The following TMEFF1 variants were observed in gnomAD, a reference collection of about 807,000 sequenced individuals.
The protein encoded by TMEFF1 is transmembrane protein with EGF like and two follistatin like domains 1, also known as tomoregulin-1.
A neutral mutation model predicts 47.5 loss-of-function variants in TMEFF1; 20 were observed. The observed-to-expected ratio is 0.42, with a 90% CI of 0.30 to 0.61. The LOEUF is 0.61. Ranked by LOEUF, TMEFF1 falls within the 20% of genes least tolerant of loss-of-function variation. TMEFF1 has a pLI of 0.19. For missense variants in TMEFF1, 411 were observed against 471.1 expected (o/e 0.87, Z 1.18); for synonymous variants, 162 against 166.3 (o/e 0.97, Z 0.20).
intron 5 of TMEFF1, among the ~76,000 whole-genome samples, chr9:100,543,590 G>A (rs915879657): frequency 6.6e-6 from 1 of 151,978 alleles, no homozygotes; most frequent in Non-Finnish European, 1.5e-5. Flanking sequence ...TCTGTCATTT[G>A]CCTACAGCAG....
rs567148026 is a variant in TMEFF1, at chr9:100,509,105, C to G, written c.407C>G (p.Thr136Arg). The change falls in exon 3 of 10, where the codon ACA becomes AGA. Residue 136 changes from threonine to arginine, a missense_variant. Thr to Arg is a moderately conservative substitution (Grantham distance 71). Coordinates refer to ENST00000374879, the MANE Select transcript of TMEFF1 (RefSeq NM_003692.5). ...GCTTGTAAGCACCAGAAAGAGATAACAGTAATAGCAAGAGGACCATGCTAC... is the reference window on the plus strand; with the variant it reads ...GCTTGTAAGCACCAGAAAGAGATAAGAGTAATAGCAAGAGGACCATGCTAC... ...RAACKHQKEITVIARGPCYSD... is the reference protein window; with the variant it reads ...RAACKHQKEIRVIARGPCYSD... 1 of 1,587,380 alleles carries G rather than the reference C, an allele frequency of 6.3e-7. No individual in the cohort carries two copies. Among genetic ancestry groups the G allele is most frequent in the South Asian group, 1.2e-5 (1 of 86,082 alleles).
chr9:100,536,073 T>C (rs943935264), intron 5 of TMEFF1, among the ~76,000 whole-genome samples: 2 of 152,206 alleles, frequency 1.3e-5, no homozygotes, highest in Non-Finnish European at 1.5e-5. Context: ...AAAAACAATA[T>C]CTTCTGTGGA....
At chr9:100,571,994 G>A (rs1165802216) in intron 8 of TMEFF1, among the ~76,000 whole-genome samples, 1 of 152,082 alleles carries the variant, frequency 6.6e-6, no homozygotes, top group Admixed American at 6.6e-5. Context: ...ATGGGGAGTA[G>A]CTGTAAATAC....
chr9:100,538,114 G>A lies in TMEFF1; in HGVS notation c.561-9630G>A, dbSNP rs10989147. ...TGTTGCCAGGCTAGAGTGCATTGGC[G>A]CAGTATCAGTTCACTGCAACCTCCG... On this transcript the variant is annotated intron_variant, in intron 5 of 9. Coordinates refer to ENST00000374879, the MANE Select transcript of TMEFF1 (RefSeq NM_003692.5). 3.3e-5 allele frequency among the ~76,000 whole-genome samples: 5 copies of A among 151,716 alleles called. No individual in the cohort carries two copies. The South Asian group carries it at 6.2e-4, about 19-fold the overall frequency.
chr9:100,572,324 A>G (rs1839255711), intron 8 of TMEFF1, among the ~76,000 whole-genome samples, 194 bp from the exon 9 acceptor site: 2 of 152,204 alleles, frequency 1.3e-5, no homozygotes, highest in South Asian at 4.1e-4. Flanking sequence ...CTTAGGTGAA[A>G]GACGCACCAT....
chr9:100,507,131 G>C (rs1253256657), intron 2 of TMEFF1, among the ~76,000 whole-genome samples: 1 of 152,058 alleles, frequency 6.6e-6, no homozygotes, highest in African/African-American at 2.4e-5. Context: ...TTGGTTTTCT[G>C]TTCCTCAGTT....
chr9:100,518,557 T>G, intron 5 of TMEFF1: 1 of 954,066 alleles, frequency 1.0e-6, no homozygotes, highest in Non-Finnish European at 1.2e-6. Context: ...AGGAAATTGA[T>G]GCAACAAGAG....
chr9:100,495,192 TTCTC>T (rs1191025250), intron 1 of TMEFF1, among the ~76,000 whole-genome samples: 1 of 152,224 alleles, frequency 6.6e-6, no homozygotes, highest in Non-Finnish European at 1.5e-5. Flanking sequence ...TGAAATTACT[TTCTC>T]TCTGCTTTCA....
intron 1 of TMEFF1, among the ~76,000 whole-genome samples, 166 bp from the exon 2 acceptor site, chr9:100,498,599 G>C (rs779960247): frequency 3.3e-5 from 5 of 152,006 alleles, no homozygotes; most frequent in Non-Finnish European, 7.4e-5. Context: ...TGAGCATTTT[G>C]TGTCTTACAG....
chr9:100,495,968 A>G (rs1383058223), intron 1 of TMEFF1, among the ~76,000 whole-genome samples: 1 of 152,094 alleles, frequency 6.6e-6, no homozygotes, highest in African/African-American at 2.4e-5. Context: ...GCCCGACACT[A>G]CCATCTCCTT....
Position 100,547,165 on chromosome 9 carries a change from A to G in TMEFF1, c.561-579A>G, listed in dbSNP as rs115007453. Among the ~76,000 whole-genome samples, 165 of 152,062 alleles carry G rather than the reference A, an allele frequency of 1.1e-3. 1 individual carries two copies. Among genetic ancestry groups the G allele is most frequent in the African/African-American group, 3.5e-3 (145 of 41,478 alleles). ...CAAGTAGTGGAGACCACAGGTACACACCACTGTGCCTGGCTAAGTTTTTTA... is the reference window on the plus strand; with the variant it reads ...CAAGTAGTGGAGACCACAGGTACACGCCACTGTGCCTGGCTAAGTTTTTTA... On this transcript the variant is annotated intron_variant, in intron 5 of 9. Coordinates refer to ENST00000374879, the MANE Select transcript of TMEFF1 (RefSeq NM_003692.5).
chr9:100,517,094 G>C (rs551782481), intron 5 of TMEFF1, among the ~76,000 whole-genome samples: 6 of 152,092 alleles, frequency 3.9e-5, no homozygotes, highest in Non-Finnish European at 8.8e-5. Context: ...ATTAAGGTAG[G>C]TTTTGTAGCT....
In TMEFF1 at chr9:100,498,856, A is replaced by G. The variant is rs1453000362; in HGVS notation, c.288A>G (p.Lys96=). The change falls in exon 2 of 10, where the codon AAA becomes AAG. Residue 96 remains lysine (K), a synonymous_variant. Transcript: ENST00000374879. The part of the protein sequence containing the change: ...GVCKEDGDGL[K]CACQFQCHTN... ...GTAAAGAAGATGGAGATGGTTTGAAATGTGCATGCCAATTTCAGGTGAGGA... is the reference window on the plus strand; with the variant it reads ...GTAAAGAAGATGGAGATGGTTTGAAGTGTGCATGCCAATTTCAGGTGAGGA... 1.2e-6 allele frequency: 2 copies of G among 1,613,710 alleles called. No individual in the cohort carries two copies. Among genetic ancestry groups the G allele is most frequent in the Non-Finnish European group, 1.7e-6 (2 of 1,179,864 alleles).
Position 100,499,017 on chromosome 9 carries a change from A to ATGG in TMEFF1, c.306+145_306+146insGTG, listed in dbSNP as rs1309785730. ...CCCCTCAGTTCTTTTTTGTCAGATG[A>ATGG]TGCCCTGTTATTTGTATCTTCCATA... On this transcript the variant is annotated intron_variant, in intron 2 of 9. Transcript: ENST00000374879. The ATGG allele has an allele frequency of 9.5e-6, 7 of 736,070 alleles. No homozygotes were observed. The East Asian group carries it at 1.6e-4, about 17-fold the overall frequency. The allele number at this position is 736,070 out of a possible 1,614,324, so 45.6% of individuals were successfully genotyped here.
intron 5 of TMEFF1, among the ~76,000 whole-genome samples, chr9:100,529,264 A>G (rs1838329712): frequency 6.6e-6 from 1 of 150,572 alleles, no homozygotes; most frequent in Admixed American, 6.6e-5. Flanking sequence ...ATGTAAATGG[A>G]CTAAATGCTC....
At chr9:100,544,459 T>G (rs906895786) in intron 5 of TMEFF1, among the ~76,000 whole-genome samples, 3 of 152,190 alleles carry the variant, frequency 2.0e-5, no homozygotes, top group Admixed American at 2.0e-4. Context: ...TTCACTATCA[T>G]GAGAGCAGCA....
In TMEFF1 at chr9:100,498,314, A is replaced by G. The variant is rs150664909; in HGVS notation, c.197-451A>G. 7.7e-4 allele frequency among the ~76,000 whole-genome samples: 118 copies of G among 152,284 alleles called. 3 individuals are homozygous for G. In the East Asian group the frequency reaches 0.018, roughly 23 times the overall value. ...GCCTAGAATGAATAATGATCACCCA[A>G]AATTTATTCTGCATACCAAAATAAT... On this transcript the variant is annotated intron_variant, in intron 1 of 9. Transcript: ENST00000374879.
intron 5 of TMEFF1, among the ~76,000 whole-genome samples, chr9:100,519,917 G>C (rs1391081480): frequency 6.6e-6 from 1 of 151,708 alleles, no homozygotes; most frequent in Non-Finnish European, 1.5e-5. Flanking sequence ...TATACACATG[G>C]TACTAATAAA....
intron 5 of TMEFF1, among the ~76,000 whole-genome samples, chr9:100,539,251 T>C (rs1454193954): frequency 1.3e-5 from 2 of 152,186 alleles, no homozygotes; most frequent in Non-Finnish European, 2.9e-5. Flanking sequence ...GTGAAGTTGT[T>C]GGGCGTGTGC....
Sources: allele counts gnomAD v4.1 joint callset (sites outside exome capture counted in the v4.1 genomes callset), GRCh38; gene constraint gnomAD v4.1.1; transcripts MANE v1.5; gene names NCBI Gene and HGNC (gene_info 2026-07-23, HGNC 2026-07-21).